The following RBMS3 variants were observed in gnomAD, a reference collection of about 807,000 sequenced individuals.
RBMS3 encodes RNA binding motif single stranded interacting protein 3.
A neutral mutation model predicts 66.8 loss-of-function variants in RBMS3; 27 were observed. The observed-to-expected ratio is 0.40, with a 90% CI of 0.30 to 0.56. The LOEUF is 0.56. Among genes scored for constraint, RBMS3 ranks in the 20% least tolerant of loss-of-function variants. The pLI is 0.40. For synonymous variants in RBMS3, 188 were observed against 183.0 expected (o/e 1.03, Z -0.22); for missense variants, 513 against 549.5 (o/e 0.93, Z 0.66).
chr3:29,756,145 G>A (rs944566458), intron 5 of RBMS3, among the ~76,000 whole-genome samples: 1 of 152,094 alleles, frequency 6.6e-6, no homozygotes, highest in Admixed American at 6.6e-5. Flanking sequence ...GACACCAAAT[G>A]TGTGGGTTTT....
chr3:29,814,489 G>C (rs1018652197), intron 6 of RBMS3, among the ~76,000 whole-genome samples: 88 of 152,252 alleles, frequency 5.8e-4, no homozygotes, highest in African/African-American at 2.0e-3. Context: ...GATGATGCTG[G>C]CCTCATAAAA....
chr3:29,810,193 T>C (rs925213230), intron 6 of RBMS3, among the ~76,000 whole-genome samples: 1 of 152,074 alleles, frequency 6.6e-6, no homozygotes, highest in African/African-American at 2.4e-5. Context: ...TAGAAAATAC[T>C]TTAGGTGGAT....
chr3:29,741,152 G>A (rs2054625839), intron 5 of RBMS3, among the ~76,000 whole-genome samples: 1 of 152,092 alleles, frequency 6.6e-6, no homozygotes, highest in Non-Finnish European at 1.5e-5. Flanking sequence ...TTTCCTTGGA[G>A]TTGTGGTTGT....
intron 12 of RBMS3, among the ~76,000 whole-genome samples, chr3:29,963,201 C>G (rs1696599592): frequency 1.3e-5 from 2 of 152,078 alleles, no homozygotes; most frequent in East Asian, 3.9e-4. Context: ...ACATCATTTC[C>G]CAAACATTCC....
chr3:29,796,658 G>T (rs1218109193), intron 6 of RBMS3, among the ~76,000 whole-genome samples: 2 of 150,602 alleles, frequency 1.3e-5, no homozygotes, highest in East Asian at 3.9e-4. Context: ...CTCCATCAAT[G>T]CTCTTGGGTG....
intron 1 of RBMS3, among the ~76,000 whole-genome samples, chr3:29,336,571 G>A (rs2035962910): frequency 6.6e-6 from 1 of 152,082 alleles, no homozygotes; most frequent in African/African-American, 2.4e-5. Context: ...AGGAAAGCTG[G>A]GCCCCTGTAA....
intron 4 of RBMS3, among the ~76,000 whole-genome samples, chr3:29,737,831 AGTGTGTGT>A (rs3070725): frequency 0.38 from 54,852 of 145,676 alleles, 10,183 homozygotes; most frequent in South Asian, 0.49. Flanking sequence ...GTGATAGTGG[AGTGTGTGT>A]GTGTGTGTGT....
At chr3:29,614,624 C>T (rs369249401) in intron 4 of RBMS3, 30 of 152,098 alleles carry the variant, frequency 2.0e-4, no homozygotes, top group African/African-American at 4.3e-4. Flanking sequence ...CTATTTAGCA[C>T]GGGAACAACT....
intron 3 of RBMS3, among the ~76,000 whole-genome samples, chr3:29,559,352 A>T (rs1384013553): frequency 6.6e-6 from 1 of 151,852 alleles, no homozygotes; most frequent in Non-Finnish European, 1.5e-5. Context: ...AAAAGCATTC[A>T]TCACCTTCTT....
chr3:29,849,499 G>A (rs565782876), intron 6 of RBMS3, among the ~76,000 whole-genome samples: 1 of 149,488 alleles, frequency 6.7e-6, no homozygotes, highest in African/African-American at 2.5e-5. Flanking sequence ...GGGTGACAGA[G>A]TGAGACTCTG....
At chr3:29,936,933 C>T (rs1236943065) in intron 11 of RBMS3, among the ~76,000 whole-genome samples, 1 of 152,074 alleles carries the variant, frequency 6.6e-6, no homozygotes, top group African/African-American at 2.4e-5. Context: ...AATACTGAAA[C>T]TTCATTAGTT....
At chr3:29,880,291 A>C (rs2059706158) in intron 7 of RBMS3, among the ~76,000 whole-genome samples, 1 of 152,190 alleles carries the variant, frequency 6.6e-6, no homozygotes, top group African/African-American at 2.4e-5. Flanking sequence ...GAAACCTGAA[A>C]AATGGAAAAT....
intron 10 of RBMS3, among the ~76,000 whole-genome samples, chr3:29,923,924 T>G (rs1311743893): frequency 6.6e-6 from 1 of 152,230 alleles, no homozygotes; most frequent in African/African-American, 2.4e-5. Flanking sequence ...CTATTTTTGA[T>G]GTAATTATAA....
chr3:29,390,878 G>A (rs7623453), intron 1 of RBMS3: 221 of 165,396 alleles, frequency 1.3e-3, no homozygotes, highest in East Asian at 8.6e-3. Flanking sequence ...TGCTGGAGGC[G>A]TAGTGGACAT....
At chr3:29,712,311 T>C (rs1001304102) in intron 4 of RBMS3, among the ~76,000 whole-genome samples, 1 of 151,876 alleles carries the variant, frequency 6.6e-6, no homozygotes, top group Non-Finnish European at 1.5e-5. Context: ...TTAATTTTTA[T>C]TTATTATTAT....
At chr3:29,599,141 G>A (rs7623831) in intron 4 of RBMS3, among the ~76,000 whole-genome samples, 22,473 of 150,010 alleles carry the variant, frequency 0.15, 1,923 homozygotes, top group East Asian at 0.32. Flanking sequence ...AGCATGGTGG[G>A]CAGAGAGTGG....
chr3:29,484,338 A>G (rs1374764083), intron 2 of RBMS3, among the ~76,000 whole-genome samples: 1 of 152,186 alleles, frequency 6.6e-6, no homozygotes, highest in Non-Finnish European at 1.5e-5. Context: ...TACAAGATCA[A>G]GGTATTGGCA....
chr3:29,687,979 A>G (rs575881520), intron 4 of RBMS3, among the ~76,000 whole-genome samples: 1 of 152,320 alleles, frequency 6.6e-6, no homozygotes, highest in Admixed American at 6.5e-5. Context: ...CCAGAGTCAT[A>G]TTATGTTTCA....
intron 1 of RBMS3, among the ~76,000 whole-genome samples, chr3:29,309,595 G>C (rs1485239372): frequency 6.6e-6 from 1 of 151,454 alleles, no homozygotes; most frequent in Non-Finnish European, 1.5e-5. Flanking sequence ...AGAATCCTAG[G>C]GAATATGCAG....
Sources: gnomAD v4.1 joint callset for allele counts (sites outside exome capture counted in the v4.1 genomes callset) on GRCh38, gnomAD v4.1.1 for gene constraint, MANE v1.5 for transcripts, NCBI Gene and HGNC (gene_info 2026-07-23, HGNC 2026-07-21) for gene names.